TCTN2: variants seen among roughly 807,000 people sequenced by gnomAD.
TCTN2 encodes the protein tectonic-2.
Under a neutral mutation model 83.4 loss-of-function variants are expected in TCTN2, and 66 were observed. The observed-to-expected ratio is 0.79, with a 90% CI of 0.65 to 0.97. The LOEUF (loss-of-function observed/expected upper bound fraction) is 0.97, where lower values mean the gene tolerates loss of function less well. Ranked by LOEUF, TCTN2 falls within the 50% of genes least tolerant of loss-of-function variation. The pLI, the probability that TCTN2 is intolerant of heterozygous loss-of-function variation, is 0.00. For missense variants in TCTN2, 794 were observed against 858.1 expected, an observed-to-expected ratio of 0.93 and a Z score of 0.93; for synonymous variants, 301 against 326.7, an observed-to-expected ratio of 0.92 and a Z score of 0.85.
intron 9 of TCTN2, among the ~76,000 whole-genome samples, chr12:123,693,661 C>T (rs1389941193): frequency 2.0e-5 from 3 of 147,806 alleles, no homozygotes; most frequent in Admixed American, 2.0e-4. Context: ...ACCATGTTGG[C>T]CAGGCTGGTT....
At position 123,686,999 on chromosome 12, in the gene TCTN2, A is replaced by G. The variant is rs772554258; in HGVS notation, c.728A>G (p.Asn243Ser). The G allele has an allele frequency of 6.2e-7, 1 of 1,614,054 alleles. No individual in the cohort carries two copies. Among genetic ancestry groups the G allele is most frequent in the East Asian group, 2.2e-5 (1 of 44,854 alleles). ...CTGTGTGTGCAGTCCCCCCTTGCCA[A>G]CACACCCTTCCTTGGTTACTTCTAT... ...PFLCVQSPLA[N>S]TPFLGYFYHG... is the part of the protein sequence containing the mutation. The change falls in exon 6 of 18, where the codon AAC becomes AGC. Residue 243 changes from asparagine to serine, a missense_variant. Asn to Ser is a conservative substitution (Grantham distance 46). Coordinates refer to ENST00000303372, the MANE Select transcript of TCTN2 (RefSeq NM_024809.5).
chr12:123,696,818 G>A, intron 12 of TCTN2: 1 of 533,020 alleles, frequency 1.9e-6, no homozygotes, highest in Non-Finnish European at 3.4e-6. Flanking sequence ...ACTTCGTTCT[G>A]AACTGCAGGA....
chr12:123,692,470 G>A (rs530208715), intron 8 of TCTN2, among the ~76,000 whole-genome samples, 188 bp from the exon 9 acceptor site: 12 of 152,284 alleles, frequency 7.9e-5, no homozygotes, highest in African/African-American at 2.2e-4. Flanking sequence ...TTCTTCCTCC[G>A]TTATAATTAG....
In TCTN2 at chr12:123,671,609, A is replaced by C. The variant is rs376100033; in HGVS notation, c.185A>C (p.Glu62Ala). The C allele has an allele frequency of 6.2e-7, 1 of 1,611,694 alleles. No individual in the cohort carries two copies. Among genetic ancestry groups the C allele is most frequent in the African/African-American group, 1.3e-5 (1 of 74,908 alleles). The change falls in exon 2 of 18, where the codon GAG becomes GCG. Residue 62 changes from glutamate (E) to alanine (A), a missense_variant. By Grantham distance (107) the Glu-to-Ala change is moderately radical. Coordinates refer to ENST00000303372, the MANE Select transcript of TCTN2 (RefSeq NM_024809.5). ...VTVSLAVLQD[E>A]AGILPIPTCG... The stretch of plus-strand genomic sequence containing the variant: ...GTGTCCCTGGCAGTGCTGCAGGACG[A>C]GGCGGGTAAAGTCCGGCCCTCTTTT...
chr12:123,697,485 CTTT>C (rs1956123577), intron 13 of TCTN2, among the ~76,000 whole-genome samples: 1 of 151,494 alleles, frequency 6.6e-6, no homozygotes, highest in African/African-American at 2.4e-5. Context: ...TCATTGGAAC[CTTT>C]TTTGTTGTTG....
At chr12:123,695,404 C>G in intron 11 of TCTN2, 107 bp downstream of exon 11, 1 of 809,970 alleles carries the variant, frequency 1.2e-6, no homozygotes, top group Non-Finnish European at 2.1e-6. Context: ...GTTTCTGACT[C>G]TGACCTTTTT....
At position 123,695,308 on chromosome 12, in the gene TCTN2, T is replaced by C; in HGVS notation, c.1312+11T>C. ...TATCTGGAAATCCAGGTAAGATGAG[T>C]ATATGCCAGTCATTGATCTTACAAA... On this transcript the variant is annotated intron_variant, in intron 11 of 17. Transcript: ENST00000303372. 6.5e-7 allele frequency: 1 copy of C among 1,535,048 alleles called. No homozygotes were observed. The highest frequency in any genetic ancestry group is 1.4e-5 in the African/African-American group (1 of 73,460).
chr12:123,675,241 G>C (rs1419629056), intron 4 of TCTN2, among the ~76,000 whole-genome samples: 1 of 152,174 alleles, frequency 6.6e-6, no homozygotes, highest in Non-Finnish European at 1.5e-5. Flanking sequence ...CTTTGGACAT[G>C]AGAAAATGGT....
intron 14 of TCTN2, 77 bp downstream of exon 14, chr12:123,699,887 C>T (rs1956152599): frequency 1.8e-6 from 2 of 1,139,524 alleles, no homozygotes; most frequent in East Asian, 2.4e-5. Flanking sequence ...CATTAGAGCC[C>T]AACCCAGTAG....
At chr12:123,671,876 T>C (rs755409344) in intron 2 of TCTN2, among the ~76,000 whole-genome samples, 180 bp from the exon 3 acceptor site, 3 of 152,222 alleles carry the variant, frequency 2.0e-5, no homozygotes, top group Non-Finnish European at 4.4e-5. Context: ...TAATATCTTT[T>C]CATCCCCTTT....
Position 123,707,682 on chromosome 12 carries a change from C to T in TCTN2, c.2063C>T (p.Pro688Leu). The change falls in exon 18 of 18, where the codon CCC becomes CTC. Residue 688 changes from proline to leucine, a missense_variant. Physicochemically the swap from Pro to Leu is moderately conservative, Grantham distance 98 (BLOSUM62 -3). Coordinates refer to ENST00000303372, the MANE Select transcript of TCTN2 (RefSeq NM_024809.5). Reference sequence around the variant, plus strand: ...ACATTGGCCTTGTTCCTCAGCAACCCCTGGACCAGAATATGCAAAGCCTAT... The same window carrying T: ...ACATTGGCCTTGTTCCTCAGCAACCTCTGGACCAGAATATGCAAAGCCTAT... ...FLTLALFLSNPWTRICKAYS is the reference protein window; with the variant it reads ...FLTLALFLSNLWTRICKAYS The T allele has an allele frequency of 6.2e-7, 1 of 1,614,082 alleles. No homozygotes were observed. Among genetic ancestry groups the T allele is most frequent in the Non-Finnish European group, 8.5e-7 (1 of 1,180,002 alleles).
At chr12:123,682,509 T>C (rs1324191965) in intron 5 of TCTN2, among the ~76,000 whole-genome samples, 6 of 152,116 alleles carry the variant, frequency 3.9e-5, no homozygotes, top group African/African-American at 1.2e-4. Flanking sequence ...GAGATGGAGT[T>C]TCGCTCTTGT....
rs192358781 is a variant in TCTN2, at chr12:123,674,374, G to A, written c.463+564G>A. Among the ~76,000 whole-genome samples the A allele has an allele frequency of 2.5e-4, 38 of 152,100 alleles. No individual in the cohort carries two copies. In the East Asian group the frequency reaches 7.2e-3, roughly 29 times the overall value. On this transcript the variant is annotated intron_variant, in intron 4 of 17. Transcript: ENST00000303372. ...CAACCTCCACTTCCTGGGCTTAAGC[G>A]ATTCTCCTGCCTCAGCCTCCCGAGT...
At chr12:123,693,523 G>A (rs1593855664) in intron 9 of TCTN2, among the ~76,000 whole-genome samples, 1 of 149,690 alleles carries the variant, frequency 6.7e-6, no homozygotes, top group African/African-American at 2.5e-5. Flanking sequence ...TGTAATCTTG[G>A]CTCACTATAA....
At chr12:123,678,030 C>T (rs747354227) in intron 4 of TCTN2, among the ~76,000 whole-genome samples, 17 of 152,186 alleles carry the variant, frequency 1.1e-4, no homozygotes, top group African/African-American at 3.4e-4. Context: ...CCTGGGTTCC[C>T]ATGGCAGATC....
chr12:123,701,293 G>A lies in TCTN2; in HGVS notation c.1612+1483G>A, dbSNP rs530003010. On this transcript the variant is annotated intron_variant, in intron 14 of 17. Coordinates refer to ENST00000303372, the MANE Select transcript of TCTN2 (RefSeq NM_024809.5). Reference sequence around the variant, plus strand: ...ACTGCCGTGGGTAAAGGATTTCTTCGCAGAGTGATAAAATGTTCTAAAATA... The same window carrying A: ...ACTGCCGTGGGTAAAGGATTTCTTCACAGAGTGATAAAATGTTCTAAAATA... Among the ~76,000 whole-genome samples, 8 of 152,248 alleles carry A rather than the reference G, an allele frequency of 5.3e-5. No homozygotes were observed. The East Asian group carries it at 5.8e-4, about 11-fold the overall frequency.
At chr12:123,677,315 C>A (rs1593835340) in intron 4 of TCTN2, among the ~76,000 whole-genome samples, 1 of 152,158 alleles carries the variant, frequency 6.6e-6, no homozygotes, top group African/African-American at 2.4e-5. Flanking sequence ...TATCATTGAC[C>A]TTCTGCTATG....
intron 7 of TCTN2, among the ~76,000 whole-genome samples, chr12:123,689,209 A>ATG (rs1347179868): frequency 3.9e-5 from 6 of 152,022 alleles, no homozygotes; most frequent in African/African-American, 1.4e-4. Flanking sequence ...CTACAGGCAC[A>ATG]TGCCACCATT....
At chr12:123,696,893 C>T (rs1330245608) in intron 12 of TCTN2, 194 bp from the exon 13 acceptor site, 16 of 580,292 alleles carry the variant, frequency 2.8e-5, no homozygotes, top group Non-Finnish European at 4.3e-5. Flanking sequence ...AAGAAACCAC[C>T]GCTCAGGATC....
Sources: gnomAD v4.1 joint callset for allele counts (sites outside exome capture counted in the v4.1 genomes callset) on GRCh38, gnomAD v4.1.1 for gene constraint, MANE v1.5 for transcripts, NCBI Gene and HGNC (gene_info 2026-07-23, HGNC 2026-07-21) for gene names.